GLB1: variants seen among roughly 807,000 people sequenced by gnomAD.
GLB1 encodes the protein galactosidase beta 1, also known as beta-galactosidase.
GLB1 carries 56 observed loss-of-function variants against 74.0 expected under a neutral mutation model. That is an observed-to-expected ratio of 0.76 (90% CI 0.61 to 0.94). The LOEUF is 0.94. Ranked by LOEUF, GLB1 falls within the 40% of genes least tolerant of loss-of-function variation. The pLI is 0.00. For synonymous variants in GLB1, 323 were observed against 323.6 expected, an observed-to-expected ratio of 1.00 and a Z score of 0.02; for missense variants, 787 against 845.5, an observed-to-expected ratio of 0.93 and a Z score of 0.86.
intron 14 of GLB1, among the ~76,000 whole-genome samples, chr3:33,016,181 G>A (rs1697229417): frequency 6.6e-6 from 1 of 152,112 alleles, no homozygotes; most frequent in Non-Finnish European, 1.5e-5. Context: ...TACTGGCAAA[G>A]GAGTGCCTTC....
chr3:33,064,199 G>C (rs1257765055), intron 5 of GLB1, among the ~76,000 whole-genome samples: 2 of 144,776 alleles, frequency 1.4e-5, no homozygotes, highest in Non-Finnish European at 1.5e-5. Flanking sequence ...AGCACTTTGG[G>C]AGGCTGAGGT....
chr3:32,965,580 A>T, the GLB1 span, among the ~76,000 whole-genome samples: 1 of 152,224 alleles, frequency 6.6e-6, no homozygotes, highest in Non-Finnish European at 1.5e-5. Flanking sequence ...TAGAAAAGAA[A>T]AAAAAAACAT....
chr3:33,071,607 T>G (rs1303423926), intron 2 of GLB1, among the ~76,000 whole-genome samples: 1 of 152,190 alleles, frequency 6.6e-6, no homozygotes, highest in Non-Finnish European at 1.5e-5. Flanking sequence ...CCCCAAAGTA[T>G]GGCACCTTGG....
chr3:33,037,247 T>C (rs1367754062), intron 10 of GLB1, among the ~76,000 whole-genome samples: 2 of 152,070 alleles, frequency 1.3e-5, no homozygotes, highest in East Asian at 3.9e-4. Flanking sequence ...GATTTCACCA[T>C]TTTGGCCAGG....
intron 1 of GLB1, among the ~76,000 whole-genome samples, chr3:33,082,010 T>C (rs1700339683): frequency 6.6e-6 from 1 of 152,240 alleles, no homozygotes; most frequent in South Asian, 2.1e-4. Flanking sequence ...GGAAGGATCC[T>C]GCATTACCAC....
intron 10 of GLB1, among the ~76,000 whole-genome samples, chr3:33,035,300 C>T (rs115308921): frequency 0.01 from 1,563 of 152,016 alleles, 31 homozygotes; most frequent in African/African-American, 0.036. Flanking sequence ...GGTGTGGTGG[C>T]GCACACCTGT....
At position 33,097,037 on chromosome 3, in the gene GLB1, G is replaced by C; in HGVS notation, c.49C>G (p.Leu17Val). 3 of 1,612,464 alleles carry C rather than the reference G, an allele frequency of 1.9e-6. No homozygotes were observed. The highest frequency in any genetic ancestry group is 2.5e-6 in the Non-Finnish European group (3 of 1,179,056). ...CGCAAGCCGCGCGTAGGGCCCAGAA[G>C]CAGCAGAACCAGCAACAGAGGGAGG... The part of the protein sequence containing the change: ...RILPLLLVLL[L>V]LGPTRGLRNA... The change falls in exon 1 of 16, where the codon CTT (leucine) becomes GTT (valine). Residue 17 changes from leucine to valine, a missense_variant. Transcript: ENST00000307363.
the GLB1 span, among the ~76,000 whole-genome samples, chr3:32,980,489 T>C: frequency 6.6e-6 from 1 of 152,238 alleles, no homozygotes; most frequent in Non-Finnish European, 1.5e-5. Flanking sequence ...GCTTTCTATA[T>C]TCCTCAGCTC....
intron 9 of GLB1, among the ~76,000 whole-genome samples, chr3:33,046,571 A>G (rs1197684382): frequency 6.6e-6 from 1 of 152,066 alleles, no homozygotes; most frequent in Non-Finnish European, 1.5e-5. Flanking sequence ...CACAAGCAGT[A>G]ATGGCAGGGC....
At chr3:33,058,291 G>A (rs1168594479) in intron 5 of GLB1, 22 bp from the exon 6 acceptor site, 1 of 1,613,594 alleles carries the variant, frequency 6.2e-7, no homozygotes, top group Non-Finnish European at 8.5e-7. Context: ...AAAAGAGCAG[G>A]GAAAAATGAG....
chr3:32,995,088 G>A (rs1266045387), downstream of GLB1, among the ~76,000 whole-genome samples: 1 of 152,086 alleles, frequency 6.6e-6, no homozygotes, highest in Non-Finnish European at 1.5e-5. Context: ...TCTGCCTCTT[G>A]CCAAAGTTTT....
At chr3:33,035,985 A>G (rs567293614) in intron 10 of GLB1, among the ~76,000 whole-genome samples, 4 of 152,212 alleles carry the variant, frequency 2.6e-5, no homozygotes, top group Admixed American at 6.5e-5. Flanking sequence ...GTACATTAGG[A>G]TAAAGTGTAA....
rs1698730626 is a variant in GLB1, at chr3:33,046,126, G to A, written c.1062C>T (p.Ile354=). ...GCTCATACAAAGCACCCACCTTCTG[G>A]ATGATGTTTCGCAGAGCAAAATACT... ...TEKYFALRNI[I]QKFEKVPEGP... Residue 354 remains isoleucine (I), a synonymous_variant, in exon 10 of 16, where the codon ATC becomes ATT. Transcript: ENST00000307363. The A allele has an allele frequency of 6.2e-7, 1 of 1,612,858 alleles. No individual in the cohort carries two copies. The highest frequency in any genetic ancestry group is 8.5e-7 in the Non-Finnish European group (1 of 1,179,848).
rs1700885674 is a variant in GLB1, at chr3:33,093,907, G to A, written c.75+3104C>T. 2 of 1,613,932 alleles carry A rather than the reference G, an allele frequency of 1.2e-6. No individual in the cohort carries two copies. Among genetic ancestry groups the A allele is most frequent in the African/African-American group, 1.3e-5 (1 of 74,954 alleles). On this transcript the variant is annotated intron_variant, in intron 1 of 15. Coordinates refer to ENST00000307363, the MANE Select transcript of GLB1 (RefSeq NM_000404.4). This position sits in a 1 kb window ranked among gnomAD's most constrained non-coding sequence, Gnocchi z 6.0. Reference sequence around the variant, plus strand: ...AAGAACATGGTAAAGAAACTGGAATGGGCCAGGGCCAGAAATGCCAGAACC... The same window carrying A: ...AAGAACATGGTAAAGAAACTGGAATAGGCCAGGGCCAGAAATGCCAGAACC...
At chr3:33,046,255 T>G (rs1483800903) in intron 9 of GLB1, 23 bp from the exon 10 acceptor site, 2 of 1,612,778 alleles carry the variant, frequency 1.2e-6, no homozygotes, top group Non-Finnish European at 1.7e-6. Flanking sequence ...AATGTGCCAC[T>G]AGTTATTACT....
chr3:32,990,510 C>T, the GLB1 span, among the ~76,000 whole-genome samples: 1 of 152,184 alleles, frequency 6.6e-6, no homozygotes, highest in Non-Finnish European at 1.5e-5. Context: ...ACAAAACAAA[C>T]CCACCTACTA....
chr3:33,006,701 C>T (rs1232566829), intron 15 of GLB1, among the ~76,000 whole-genome samples: 5 of 152,216 alleles, frequency 3.3e-5, no homozygotes, highest in African/African-American at 1.2e-4. Flanking sequence ...CCACATCCGA[C>T]TCAAGTAAAG....
intron 15 of GLB1, among the ~76,000 whole-genome samples, chr3:32,998,161 A>T (rs1394014589): frequency 3.3e-5 from 5 of 152,222 alleles, no homozygotes; most frequent in Non-Finnish European, 7.3e-5. Context: ...AACTCCTAAA[A>T]AACAGGGACC....
At chr3:33,067,938 T>TGCATTGATACGATCTCG (rs1394126963) in intron 4 of GLB1, among the ~76,000 whole-genome samples, 1 of 152,232 alleles carries the variant, frequency 6.6e-6, no homozygotes, top group Non-Finnish European at 1.5e-5. Context: ...CAGGCTATAG[T>TGCATTGATACGATCTCG]GCATTGATAC....
Sources: gnomAD v4.1 joint callset for allele counts (sites outside exome capture counted in the v4.1 genomes callset) on GRCh38, gnomAD v4.1.1 for gene constraint, Gnocchi (gnomAD v3.1) non-coding constraint, MANE v1.5 for transcripts, NCBI Gene and HGNC (gene_info 2026-07-23, HGNC 2026-07-21) for gene names.